Variants in PCDHGA12 observed in about 807,000 individuals in gnomAD.
PCDHGA12 encodes protocadherin gamma subfamily A, 12, also known as protocadherin gamma-A12.
PCDHGA12 carries 43 observed loss-of-function variants against 61.1 expected under a neutral mutation model. The ratio of observed to expected loss-of-function variants is 0.70; its 90% CI spans 0.55 to 0.91. The LOEUF is 0.91. PCDHGA12 is among the 40% of genes least tolerant of loss of function. The pLI is 0.00. For synonymous variants in PCDHGA12, 520 were observed against 542.9 expected (o/e 0.96, Z 0.59); for missense variants, 1,236 against 1,227.7 (o/e 1.01, Z -0.10).
chr5:141,505,679 G>A (rs1350871637), intron 3 of PCDHGA12, among the ~76,000 whole-genome samples, 198 bp downstream of exon 3: 24 of 152,172 alleles, frequency 1.6e-4, no homozygotes, highest in Non-Finnish European at 3.5e-4. Flanking sequence ...TGGGGGTCCT[G>A]GGATGCCTGG....
At chr5:141,500,315 G>C (rs944076867) in intron 2 of PCDHGA12, among the ~76,000 whole-genome samples, 41 of 151,522 alleles carry the variant, frequency 2.7e-4, no homozygotes, top group African/African-American at 9.5e-4. Flanking sequence ...TTCACGCCAT[G>C]CTCCTGCCTC....
chr5:141,476,587 G>A lies in PCDHGA12; in HGVS notation c.2425-18220G>A. ...CTCCGGGGACGCGCTTTCCGCTCGA[G>A]AGCGCGCACGATCCCGATGTGGGAA... On this transcript the variant is annotated intron_variant, in intron 1 of 3. Coordinates refer to ENST00000252085, the MANE Select transcript of PCDHGA12 (RefSeq NM_003735.3). The surrounding 1 kb of genome is among the most constrained non-coding windows in gnomAD (Gnocchi z 7.6). 6.2e-7 allele frequency: 1 copy of A among 1,614,234 alleles called. No homozygotes were observed. The highest frequency in any genetic ancestry group is 1.1e-5 in the South Asian group (1 of 91,086).
chr5:141,443,167 C>T (rs745545091), intron 1 of PCDHGA12, among the ~76,000 whole-genome samples: 4 of 152,084 alleles, frequency 2.6e-5, no homozygotes, highest in Non-Finnish European at 5.9e-5. Flanking sequence ...TTTCCCTACC[C>T]ATGTCCACTG....
chr5:141,504,680 A>G (rs912248504), intron 2 of PCDHGA12, among the ~76,000 whole-genome samples: 1 of 150,294 alleles, frequency 6.7e-6, no homozygotes, highest in Non-Finnish European at 1.5e-5. Flanking sequence ...GGGTTCTTGT[A>G]AAATAGGAGG....
In PCDHGA12 at chr5:141,511,460, A is replaced by ACCC. The variant is rs1367357803; in HGVS notation, c.*289_*291dup. The ACCC allele has an allele frequency of 2.4e-4, 137 of 564,806 alleles. 1 individual carries two copies. In the Middle Eastern group the frequency reaches 2.7e-3, roughly 11 times the overall value. The allele number at this position is 564,806 out of a possible 1,614,324, so 35.0% of individuals were successfully genotyped here. A position where few individuals can be genotyped will look rare whatever the true frequency, so the allele number is the denominator to read the frequency against. ...GTAGACACCAAGAACCATTTGCCAC[A>ACCC]CCCCGTTTAGTTACAGCTGAACTCC... On this transcript the variant is annotated 3_prime_UTR_variant, in exon 4 of 4. Transcript: ENST00000252085.
At chr5:141,452,000 A>G (rs2098730428) in intron 1 of PCDHGA12, among the ~76,000 whole-genome samples, 1 of 152,198 alleles carries the variant, frequency 6.6e-6, no homozygotes, top group Admixed American at 6.5e-5. Flanking sequence ...AAGCAAAATC[A>G]CTTGGTCCAG....
In PCDHGA12 at chr5:141,486,667, G is replaced by A; in HGVS notation, c.2425-8140G>A. On this transcript the variant is annotated intron_variant, in intron 1 of 3. Coordinates refer to ENST00000252085, the MANE Select transcript of PCDHGA12 (RefSeq NM_003735.3). The surrounding 1 kb of genome is among the most constrained non-coding windows in gnomAD (Gnocchi z 5.0). ...TCTCCTACTCACTCCTGGAGCCCAG[G>A]AATCGAGATGTATCAGCTTCCTCTT... 4 of 1,613,948 alleles carry A rather than the reference G, an allele frequency of 2.5e-6. No individual in the cohort carries two copies. Among genetic ancestry groups the A allele is most frequent in the Non-Finnish European group, 3.4e-6 (4 of 1,180,014 alleles).
intron 1 of PCDHGA12, among the ~76,000 whole-genome samples, chr5:141,451,410 G>T (rs1201545799): frequency 6.6e-6 from 1 of 152,190 alleles, no homozygotes; most frequent in East Asian, 1.9e-4. Context: ...TAAGTTCCTT[G>T]TGGATTGTTA....
chr5:141,468,528 G>A (rs2154569956), intron 1 of PCDHGA12: 1 of 152,056 alleles, frequency 6.6e-6, no homozygotes, highest in South Asian at 2.1e-4. Context: ...TTTTTTGCAG[G>A]TAGTTTCCTG....
rs1391608601 is a variant in PCDHGA12 at position 141,511,893 on chromosome 5, A to G, written c.*720A>G. The G allele has an allele frequency of 6.4e-6, 1 of 155,062 alleles. No homozygotes were observed. Among genetic ancestry groups the G allele is most frequent in the East Asian group, 1.9e-4 (1 of 5,240 alleles). 9.6% of individuals were successfully genotyped at this position (155,062 alleles called of 1,614,324 possible). A position where few individuals can be genotyped will look rare whatever the true frequency, so the allele number is the denominator to read the frequency against. On this transcript the variant is annotated 3_prime_UTR_variant, in exon 4 of 4. Transcript: ENST00000252085. ...TCCACTGCATGCCTTGACTTCCCCC[A>G]CCTCCTCCTCAAACAAGAGACTCCA...
chr5:141,476,421 C>G lies in PCDHGA12; in HGVS notation c.2425-18386C>G. 1 of 1,614,026 alleles carries G rather than the reference C, an allele frequency of 6.2e-7. No homozygotes were observed. Among genetic ancestry groups the G allele is most frequent in the South Asian group, 1.1e-5 (1 of 91,066 alleles). On this transcript the variant is annotated intron_variant, in intron 1 of 3. Transcript: ENST00000252085. The surrounding 1 kb of genome is among the most constrained non-coding windows in gnomAD (Gnocchi z 7.6). ...CGAGAGGAGCTGTGTGGGACACTGC[C>G]CTCTTGCACTGTAACTCTGGAGTTG...
Position 141,491,478 on chromosome 5 carries a change from C to A in PCDHGA12, c.2425-3329C>A. ...CCCCGGACTTCTATAAGCAGTCCAG[C>A]CCCAACCTGCAGGTGAGCTCGGACG... On this transcript the variant is annotated intron_variant, in intron 1 of 3. Coordinates refer to ENST00000252085, the MANE Select transcript of PCDHGA12 (RefSeq NM_003735.3). The surrounding 1 kb of genome is among the most constrained non-coding windows in gnomAD (Gnocchi z 6.9). 6.2e-7 allele frequency: 1 copy of A among 1,614,068 alleles called. No individual in the cohort carries two copies. Among genetic ancestry groups the A allele is most frequent in the Non-Finnish European group, 8.5e-7 (1 of 1,180,004 alleles).
intron 1 of PCDHGA12, among the ~76,000 whole-genome samples, chr5:141,448,344 A>G (rs2098583423): frequency 6.6e-6 from 1 of 152,080 alleles, no homozygotes; most frequent in Admixed American, 6.6e-5. Flanking sequence ...CATGTACCTC[A>G]ATCTTAGTAG....
intron 1 of PCDHGA12, chr5:141,441,477 C>T (rs529495102): frequency 1.2e-4 from 20 of 170,782 alleles, no homozygotes; most frequent in Middle Eastern, 5.7e-4. Context: ...ATGCCAACGA[C>T]AATGCTCTGG....
In PCDHGA12 at chr5:141,511,197, C is replaced by A; in HGVS notation, c.*24C>A. 1 of 1,613,140 alleles carries A rather than the reference C, an allele frequency of 6.2e-7. No individual in the cohort carries two copies. Among genetic ancestry groups the A allele is most frequent in the Non-Finnish European group, 8.5e-7 (1 of 1,179,524 alleles). Reference sequence around the variant, plus strand: ...AACATGGAGGCCAGGCCAAGAGCCACAGGGCGGCCTCTCCCCAACCAGCCC... The same window carrying A: ...AACATGGAGGCCAGGCCAAGAGCCAAAGGGCGGCCTCTCCCCAACCAGCCC... On this transcript the variant is annotated 3_prime_UTR_variant, in exon 4 of 4. Transcript: ENST00000252085.
intron 1 of PCDHGA12, among the ~76,000 whole-genome samples, chr5:141,469,045 G>C (rs35157158): frequency 1.4e-3 from 207 of 152,234 alleles, no homozygotes; most frequent in Middle Eastern, 0.01. Flanking sequence ...GGGAGGCCAA[G>C]GTGGGAGGAT....
chr5:141,485,982 A>G lies in PCDHGA12; in HGVS notation c.2425-8825A>G. 6.2e-7 allele frequency: 1 copy of G among 1,614,156 alleles called. No homozygotes were observed. The highest frequency in any genetic ancestry group is 8.5e-7 in the Non-Finnish European group (1 of 1,180,020). ...ATCCAGCTCAATGCCTCAGACCCGG[A>G]CCTGGGTCCCAGTGGTAACGTCACC... On this transcript the variant is annotated intron_variant, in intron 1 of 3. Coordinates refer to ENST00000252085, the MANE Select transcript of PCDHGA12 (RefSeq NM_003735.3). The surrounding 1 kb of genome is among the most constrained non-coding windows in gnomAD (Gnocchi z 5.7).
At chr5:141,455,860 ATTATTTATTTATTTATTTAT>A (rs145569377) in intron 1 of PCDHGA12, among the ~76,000 whole-genome samples, 117 of 139,848 alleles carry the variant, frequency 8.4e-4, no homozygotes, top group Non-Finnish European at 9.4e-4. Flanking sequence ...AATTTCTTTT[ATTATTTATTTATTTATTTAT>A]TTATTTATTT....
chr5:141,511,419 G>A lies in PCDHGA12; in HGVS notation c.*246G>A, dbSNP rs1437533706. On this transcript the variant is annotated 3_prime_UTR_variant, in exon 4 of 4. Coordinates refer to ENST00000252085, the MANE Select transcript of PCDHGA12 (RefSeq NM_003735.3). Reference sequence around the variant, plus strand: ...ATCCAATCAACTGCTGTACCCATGGGGGTAGTGGGGTTACTGTAGACACCA... The same window carrying A: ...ATCCAATCAACTGCTGTACCCATGGAGGTAGTGGGGTTACTGTAGACACCA... 1.2e-6 allele frequency: 1 copy of A among 830,454 alleles called. No individual in the cohort carries two copies. The highest frequency in any genetic ancestry group is 1.7e-5 in the African/African-American group (1 of 58,076). 51.4% of individuals were successfully genotyped at this position (830,454 alleles called of 1,614,324 possible).
Sources: gnomAD v4.1 joint callset for allele counts (sites outside exome capture counted in the v4.1 genomes callset) on GRCh38, gnomAD v4.1.1 for gene constraint, Gnocchi (gnomAD v3.1) non-coding constraint, MANE v1.5 for transcripts, NCBI Gene and HGNC (gene_info 2026-07-23, HGNC 2026-07-21) for gene names.